The following MIAT variants were observed in gnomAD, a reference collection of about 807,000 sequenced individuals.
The protein encoded by MIAT is MI related novel mRNA.
chr22:26,667,152 C>T (rs777043085), intron 4 of MIAT: 5 of 398,368 alleles, frequency 1.3e-5, no homozygotes, highest in East Asian at 3.6e-5. Flanking sequence ...TGGGTGAGCT[C>T]GAGCAGAGAA....
intron 2 of MIAT, among the ~76,000 whole-genome samples, chr22:26,662,674 G>A (rs558244548): frequency 6.6e-6 from 1 of 152,312 alleles, no homozygotes; most frequent in South Asian, 2.1e-4. Context: ...CGTTATCTCT[G>A]GGTGCTGGCT....
At chr22:26,667,901 G>T (rs1433286019) in intron 5 of MIAT, 3 of 301,238 alleles carry the variant, frequency 1.0e-5, no homozygotes, top group African/African-American at 4.3e-5. Flanking sequence ...GAACTCCTGG[G>T]CTCAAGTGAT....
At chr22:26,659,168 A>C (rs1397736673) in intron 2 of MIAT, among the ~76,000 whole-genome samples, 1 of 152,088 alleles carries the variant, frequency 6.6e-6, no homozygotes. Flanking sequence ...GCAGGTGGGC[A>C]GATGCTTGGT....
chr22:26,669,553 C>G (rs570374225), exon 6 of MIAT: 1 of 398,692 alleles, frequency 2.5e-6, no homozygotes, highest in Admixed American at 4.4e-5. Context: ...ACCTTAACCC[C>G]TTAAAGGTCC....
intron 4 of MIAT, chr22:26,666,962 G>C (rs184523803): frequency 5.0e-6 from 2 of 398,866 alleles, no homozygotes; most frequent in East Asian, 3.6e-5. Context: ...GATGTGGGGA[G>C]GGAGGGAGGG....
chr22:26,671,992 C>T, downstream of MIAT: 2 of 398,870 alleles, frequency 5.0e-6, no homozygotes, highest in Non-Finnish European at 8.8e-6. Context: ...ATTCTTCCTC[C>T]GTCTCAGCTT....
intron 2 of MIAT, among the ~76,000 whole-genome samples, chr22:26,654,934 G>A (rs941204613): frequency 6.6e-6 from 1 of 152,074 alleles, no homozygotes; most frequent in East Asian, 1.9e-4. Flanking sequence ...GGATGGTCTC[G>A]ATCTCCTGAC....
At chr22:26,653,230 G>C (rs1173900511) in intron 2 of MIAT, among the ~76,000 whole-genome samples, 1 of 152,212 alleles carries the variant, frequency 6.6e-6, no homozygotes, top group Non-Finnish European at 1.5e-5. Context: ...ATGCAGAAAT[G>C]TACCATGTTA....
intron 2 of MIAT, among the ~76,000 whole-genome samples, chr22:26,652,664 C>CT (rs1019558352): frequency 3.3e-5 from 5 of 152,074 alleles, no homozygotes; most frequent in Admixed American, 6.6e-5. Context: ...CCCTCTCTCT[C>CT]TTTTTTTAAA....
intron 2 of MIAT, among the ~76,000 whole-genome samples, chr22:26,654,176 C>T (rs1159951231): frequency 1.3e-5 from 2 of 152,198 alleles, no homozygotes. Flanking sequence ...TGATTTTCCT[C>T]CCATCAGCCC....
downstream of MIAT, chr22:26,674,015 G>C (rs1931167556): frequency 5.0e-6 from 2 of 398,514 alleles, no homozygotes; most frequent in African/African-American, 2.1e-5. Flanking sequence ...TACCTGTCTG[G>C]TGTCTACAGA....
intron 2 of MIAT, among the ~76,000 whole-genome samples, chr22:26,654,225 A>G (rs1433678461): frequency 2.0e-5 from 3 of 152,182 alleles, no homozygotes; most frequent in Admixed American, 6.6e-5. Context: ...TGAGCAGCCA[A>G]ACCTAAGTTT....
chr22:26,665,451 C>A lies in MIAT; in HGVS notation n.730-80C>A, dbSNP rs544347705. 10 of 398,678 alleles carry A rather than the reference C, an allele frequency of 2.5e-5. No homozygotes were observed. In the South Asian group the frequency reaches 1.3e-3, roughly 51 times the overall value. 24.7% of individuals were successfully genotyped at this position (398,678 alleles called of 1,614,324 possible). On this transcript the variant is annotated intron_variant and non_coding_transcript_variant, in intron 3 of 5. Transcript: ENST00000643270. ...CTCCATCACCTTATTAATATCATGA[C>A]TCTAGGTCCACAGAACGAGGGGAAA...
At chr22:26,668,475 T>C (rs1341608359) in exon 6 of MIAT, 1 of 398,810 alleles carries the variant, frequency 2.5e-6, no homozygotes, top group Non-Finnish European at 4.4e-6. Context: ...CCCTATTGTC[T>C]GGGTCTGGGG....
exon 6 of MIAT, chr22:26,668,622 C>G: frequency 2.5e-6 from 1 of 399,022 alleles, no homozygotes; most frequent in Non-Finnish European, 4.4e-6. Context: ...AGGATGGGGA[C>G]AGGAACAAGG....
intron 2 of MIAT, among the ~76,000 whole-genome samples, chr22:26,653,613 T>C (rs1930375917): frequency 6.6e-6 from 1 of 152,174 alleles, no homozygotes; most frequent in African/African-American, 2.4e-5. Flanking sequence ...AGGAGAAGTA[T>C]GTAAATCATC....
intron 3 of MIAT, among the ~76,000 whole-genome samples, chr22:26,663,854 A>C (rs1443470285): frequency 6.6e-6 from 1 of 152,090 alleles, no homozygotes; most frequent in Non-Finnish European, 1.5e-5. Flanking sequence ...TCATCGTTCT[A>C]AAATGTTCCC....
At chr22:26,669,477 TCTC>T (rs148797255) in exon 6 of MIAT, 39,372 of 398,466 alleles carry the variant, frequency 0.099, 2,103 homozygotes, top group African/African-American at 0.15. Context: ...GGCTCTGGTG[TCTC>T]CTCCTCTTCT....
intron 2 of MIAT, among the ~76,000 whole-genome samples, chr22:26,649,994 A>G (rs1221958830): frequency 1.4e-4 from 21 of 152,244 alleles, no homozygotes; most frequent in Admixed American, 1.4e-3. Flanking sequence ...GTCTCCCAGA[A>G]GACCTCAGCA....
Sources: allele counts gnomAD v4.1 joint callset (sites outside exome capture counted in the v4.1 genomes callset), GRCh38; gene constraint gnomAD v4.1.1; transcripts MANE v1.5; gene names NCBI Gene and HGNC (gene_info 2026-07-23, HGNC 2026-07-21).